Variants in TRPV3 observed in about 807,000 individuals in gnomAD.
TRPV3 encodes transient receptor potential cation channel subfamily V member 3, also known as VRL-3.
TRPV3 carries 88 observed loss-of-function variants against 87.1 expected under a neutral mutation model. The observed-to-expected ratio is 1.01, with a 90% confidence interval of 0.85 to 1.21. The LOEUF is 1.21. Among genes scored for constraint, TRPV3 ranks in the 50% most tolerant of loss-of-function variants. The probability of loss-of-function intolerance (pLI) is 0.00; values close to 1 mark genes in which losing one functional copy is unlikely to be tolerated. For missense variants in TRPV3, 1,054 were observed against 1,030.1 expected (o/e 1.02, Z -0.32); for synonymous variants, 438 against 423.3 (o/e 1.03, Z -0.43).
chr17:3,532,972 A>G (rs750853730), intron 7 of TRPV3, 35 bp from the exon 8 acceptor site: 18 of 1,606,378 alleles, frequency 1.1e-5, no homozygotes, highest in Non-Finnish European at 1.4e-5. Context: ...TGGTTCTCTC[A>G]TGGGCCGGAA....
intron 4 of TRPV3, 114 bp downstream of exon 4, chr17:3,544,465 C>G: frequency 3.1e-6 from 2 of 655,076 alleles, no homozygotes; most frequent in East Asian, 5.9e-5. Flanking sequence ...TCCACTTGTC[C>G]CAATCCCCAG....
At chr17:3,538,075 G>A (rs896586575) in intron 6 of TRPV3, among the ~76,000 whole-genome samples, 2 of 151,600 alleles carry the variant, frequency 1.3e-5, no homozygotes, top group African/African-American at 2.4e-5. Flanking sequence ...GTGAGTGCCT[G>A]TAGTCCCAGC....
chr17:3,516,002 C>T (rs1009220947), intron 16 of TRPV3, among the ~76,000 whole-genome samples: 1 of 152,052 alleles, frequency 6.6e-6, no homozygotes, highest in Non-Finnish European at 1.5e-5. Flanking sequence ...GCTTGACCAA[C>T]ATGGTGAAAC....
Position 3,516,483 on chromosome 17 carries a change from G to C in TRPV3, c.2172C>G (p.Ala724=). 2 of 1,613,926 alleles carry C rather than the reference G, an allele frequency of 1.2e-6. No homozygotes were observed. The highest frequency in any genetic ancestry group is 1.7e-6 in the Non-Finnish European group (2 of 1,179,964). ...GCAAACACAGTCGGAAATCATCCTC[G>C]GCCACTTTGCACAGCTCTCCCATCC... ...RFRMGELCKV[A]EDDFRLCLRI... The change falls in exon 16 of 18, where the codon GCC becomes GCG. Residue 724 remains alanine, a synonymous_variant. Transcript: ENST00000576742.
At chr17:3,515,969 CTGAGGTCAGGAGTT>C (rs905265915) in intron 16 of TRPV3, among the ~76,000 whole-genome samples, 1 of 152,064 alleles carries the variant, frequency 6.6e-6, no homozygotes, top group Non-Finnish European at 1.5e-5. Flanking sequence ...GGTGGATCAC[CTGAGGTCAGGAGTT>C]TGAGACCAGC....
At chr17:3,529,690 A>G (rs903656398) in intron 9 of TRPV3, among the ~76,000 whole-genome samples, 5 of 152,028 alleles carry the variant, frequency 3.3e-5, no homozygotes, top group African/African-American at 1.2e-4. Context: ...GGGGTGGGAG[A>G]GAAACAATAT....
At position 3,518,382 on chromosome 17, in the gene TRPV3, G is replaced by C. The variant is rs1007215557; in HGVS notation, c.2085+194C>G. Among the ~76,000 whole-genome samples the C allele has an allele frequency of 2.6e-5, 4 of 152,090 alleles. No individual in the cohort carries two copies. The highest frequency in any genetic ancestry group is 5.9e-5 in the Non-Finnish European group (4 of 68,014). ...CCTGAGTTTTTCTACACATTCTGTT[G>C]CACAGCCACACTCCCTAGACCCTAC... is the stretch of plus-strand genomic sequence containing the variant. On this transcript the variant is annotated intron_variant, in intron 15 of 17. Transcript: ENST00000576742. The surrounding 1 kb of genome is among the most constrained non-coding windows in gnomAD (Gnocchi z 4.3).
At chr17:3,522,044 C>G (rs568866381) in intron 13 of TRPV3, among the ~76,000 whole-genome samples, 4 of 152,192 alleles carry the variant, frequency 2.6e-5, no homozygotes, top group African/African-American at 9.6e-5. Context: ...CCACTGCACT[C>G]CAGCCTGGGG....
chr17:3,545,224 A>C lies in TRPV3; in HGVS notation c.167T>G (p.Val56Gly). The C allele has an allele frequency of 6.2e-7, 1 of 1,614,026 alleles. No individual in the cohort carries two copies. The highest frequency in any genetic ancestry group is 8.5e-7 in the Non-Finnish European group (1 of 1,179,944). ...GAAGACAGGAGGAGAGGTCTTGGCA[A>C]CTGTGGGGTTGGGTTCAAACCCTTC... ...EIEGFEPNPT[V>G]AKTSPPVFSK... The change falls in exon 3 of 18, where the codon GTT becomes GGT. Residue 56 changes from valine to glycine, a missense_variant. Transcript: ENST00000576742.
At chr17:3,554,918 G>A (rs547384645) in intron 1 of TRPV3, 66 bp from the exon 2 acceptor site, 79 of 1,032,790 alleles carry the variant, frequency 7.6e-5, no homozygotes, top group South Asian at 7.2e-4. Flanking sequence ...GGAGTTTAGG[G>A]GCCCCATGTG....
In TRPV3 at chr17:3,556,341, G is replaced by A. The variant is rs1379986445; in HGVS notation, c.-3+1335C>T. On this transcript the variant is annotated intron_variant, in intron 1 of 17. Transcript: ENST00000576742. This position sits in a 1 kb window ranked among gnomAD's most constrained non-coding sequence, Gnocchi z 4.2. Reference sequence around the variant, plus strand: ...GGAGACCAGAAGCCAGGGGCCAGGAGGAGGCTGCTGCAGGGGCCATAGGGA... The same window carrying A: ...GGAGACCAGAAGCCAGGGGCCAGGAAGAGGCTGCTGCAGGGGCCATAGGGA... Among the ~76,000 whole-genome samples, 3 of 151,848 alleles carry A rather than the reference G, an allele frequency of 2.0e-5. No homozygotes were observed. Among genetic ancestry groups the A allele is most frequent in the South Asian group, 4.2e-4 (2 of 4,798 alleles).
chr17:3,519,602 CTGGATGGATGGA>C (rs60629683), intron 14 of TRPV3, among the ~76,000 whole-genome samples: 2 of 93,584 alleles, frequency 2.1e-5, no homozygotes, highest in East Asian at 3.8e-4. Flanking sequence ...GGATGGATGA[CTGGATGGATGGA>C]TGGATGGATG....
intron 11 of TRPV3, chr17:3,527,722 C>A: frequency 2.4e-6 from 1 of 418,154 alleles, no homozygotes; most frequent in Non-Finnish European, 4.4e-6. Flanking sequence ...TGGCTGGGTC[C>A]ATGAAAGAGG....
Position 3,528,057 on chromosome 17 carries a change from G to A in TRPV3, c.1471C>T (p.Leu491Phe), listed in dbSNP as rs756016826. ...WLQLLGRMFV[L>F]IWAMCISVKE... The stretch of plus-strand genomic sequence containing the variant: ...ACAGAGATGCACATGGCCCAGATGA[G>A]CACAAACATCCTCCCTAGGAGCTGC... Residue 491 changes from leucine (L) to phenylalanine (F), a missense_variant, in exon 11 of 18, where the codon CTC becomes TTC. Transcript: ENST00000576742. This position sits in a 1 kb window ranked among gnomAD's most constrained non-coding sequence, Gnocchi z 4.2. 1.9e-6 allele frequency: 3 copies of A among 1,613,768 alleles called. No homozygotes were observed. The South Asian group carries it at 3.3e-5, about 18-fold the overall frequency.
intron 12 of TRPV3, among the ~76,000 whole-genome samples, chr17:3,525,024 G>GA (rs1263675603): frequency 6.6e-6 from 1 of 152,032 alleles, no homozygotes; most frequent in Non-Finnish European, 1.5e-5. Context: ...TTTTTTGGGG[G>GA]GGTCAGGGGG....
rs1199556455 is a variant in TRPV3 at position 3,511,242 on chromosome 17, A to G, written c.*2675T>C. On this transcript the variant is annotated 3_prime_UTR_variant, in exon 18 of 18. Coordinates refer to ENST00000576742, the MANE Select transcript of TRPV3 (RefSeq NM_145068.4). ...GAATTTTCAACTAGTCATAGGGAACATAGGGGACAATGTTGACTGCCAAAT... is the reference window on the plus strand; with the variant it reads ...GAATTTTCAACTAGTCATAGGGAACGTAGGGGACAATGTTGACTGCCAAAT... The G allele has an allele frequency of 6.6e-6, 1 of 152,214 alleles. No individual in the cohort carries two copies. The highest frequency in any genetic ancestry group is 1.5e-5 in the Non-Finnish European group (1 of 68,048). The allele number at this position is 152,214 out of a possible 1,614,324, so 9.4% of individuals were successfully genotyped here. A position where few individuals can be genotyped will look rare whatever the true frequency, so the allele number is the denominator to read the frequency against.
At chr17:3,535,199 T>TCCCTCCC (rs1567638989) in intron 7 of TRPV3, among the ~76,000 whole-genome samples, 1 of 41,592 alleles carries the variant, frequency 2.4e-5, no homozygotes, top group East Asian at 1.5e-3. Flanking sequence ...TCCCTCTCCC[T>TCCCTCCC]CCTCCTTCTC....
intron 6 of TRPV3, 132 bp from the exon 7 acceptor site, chr17:3,535,845 A>G (rs2074404812): frequency 1.8e-6 from 2 of 1,118,940 alleles, no homozygotes; most frequent in African/African-American, 3.3e-5. Context: ...GCCAGCTACC[A>G]GGAATCCCAG....
Position 3,528,825 on chromosome 17 carries a change from G to T in TRPV3, c.1401+12C>A, listed in dbSNP as rs1206078088. The T allele has an allele frequency of 6.2e-6, 10 of 1,613,832 alleles. No individual in the cohort carries two copies. The highest frequency in any genetic ancestry group is 8.5e-6 in the Non-Finnish European group (10 of 1,179,932). Reference sequence around the variant, plus strand: ...GACGGCCCCATTTTCCCCCTCCAAGGGGCCCACGTACCTCCTCCTCCCGGG... The same window carrying T: ...GACGGCCCCATTTTCCCCCTCCAAGTGGCCCACGTACCTCCTCCTCCCGGG... On this transcript the variant is annotated intron_variant, in intron 10 of 17. Transcript: ENST00000576742. The surrounding 1 kb of genome is among the most constrained non-coding windows in gnomAD (Gnocchi z 4.2).
Sources: gnomAD v4.1 joint callset for allele counts (sites outside exome capture counted in the v4.1 genomes callset) on GRCh38, gnomAD v4.1.1 for gene constraint, Gnocchi (gnomAD v3.1) non-coding constraint, MANE v1.5 for transcripts, NCBI Gene and HGNC (gene_info 2026-07-23, HGNC 2026-07-21) for gene names.